RPTOR: variants seen among roughly 807,000 people sequenced by gnomAD.
RPTOR encodes regulatory associated protein of MTOR complex 1, also known as regulatory-associated protein of mTOR.
A neutral mutation model predicts 169.9 loss-of-function variants in RPTOR; 21 were observed. The ratio of observed to expected loss-of-function variants is 0.12; its 90% confidence interval spans 0.09 to 0.18. RPTOR has a LOEUF of 0.18. RPTOR is among the 10% of genes least tolerant of loss of function. The pLI is 1.00. For missense variants in RPTOR, 1,133 were observed against 1,855.9 expected, an observed-to-expected ratio of 0.61 and a Z score of 7.16; for synonymous variants, 732 against 753.2, an observed-to-expected ratio of 0.97 and a Z score of 0.46.
intron 9 of RPTOR, among the ~76,000 whole-genome samples, chr17:80,824,484 T>C (rs117202581): frequency 0.036 from 5,448 of 152,340 alleles, 106 homozygotes; most frequent in South Asian, 0.058. Context: ...TAGAGCATTT[T>C]TGAAAGAGTA....
intron 1 of RPTOR, among the ~76,000 whole-genome samples, chr17:80,586,932 A>G (rs1402808504): frequency 1.3e-5 from 2 of 152,234 alleles, no homozygotes; most frequent in Non-Finnish European, 2.9e-5. Context: ...CCTGCATAGC[A>G]TGCTCAGCAT....
intron 1 of RPTOR, among the ~76,000 whole-genome samples, chr17:80,587,025 C>T (rs1190659958): frequency 6.6e-6 from 1 of 152,246 alleles, no homozygotes; most frequent in African/African-American, 2.4e-5. Flanking sequence ...TTGTAAGCTT[C>T]GAGAATGTGC....
intron 3 of RPTOR, among the ~76,000 whole-genome samples, chr17:80,698,484 A>G (rs926263008): frequency 6.6e-6 from 1 of 152,204 alleles, no homozygotes; most frequent in Non-Finnish European, 1.5e-5. Context: ...CATTCCAGCC[A>G]TTGATCCACA....
At chr17:80,891,582 A>G (rs1387021734) in intron 17 of RPTOR, 138 bp from the exon 18 acceptor site, 10 of 668,078 alleles carry the variant, frequency 1.5e-5, no homozygotes, top group Non-Finnish European at 2.4e-5. Flanking sequence ...TCGAAAAGGG[A>G]TGGTCCCTGT....
In RPTOR at chr17:80,803,315, G is replaced by T. The variant is rs1233881942; in HGVS notation, c.890+11806G>T. ...CGAGGCAAGGGAGGTGGAGAGACTT[G>T]CTCAGGGTCACAGAGAGTCACACGA... On this transcript the variant is annotated intron_variant, in intron 7 of 33. Transcript: ENST00000306801. This position sits in a 1 kb window ranked among gnomAD's most constrained non-coding sequence, Gnocchi z 6.2. The T allele has an allele frequency of 6.6e-6, 1 of 152,308 alleles. No individual in the cohort carries two copies. Among genetic ancestry groups the T allele is most frequent in the East Asian group, 1.9e-4 (1 of 5,196 alleles). 9.4% of individuals were successfully genotyped at this position (152,308 alleles called of 1,614,324 possible). A position where few individuals can be genotyped will look rare whatever the true frequency, so the allele number is the denominator to read the frequency against.
intron 18 of RPTOR, 100 bp downstream of exon 18, chr17:80,891,937 G>C: frequency 1.4e-6 from 1 of 709,240 alleles, no homozygotes; most frequent in East Asian, 2.6e-5. Context: ...TCTAAGCGCA[G>C]GTTTCTCAGA....
intron 7 of RPTOR, among the ~76,000 whole-genome samples, chr17:80,809,713 TTTGCTAAGTCTG>T (rs1026548786): frequency 2.0e-5 from 3 of 152,166 alleles, no homozygotes; most frequent in African/African-American, 7.2e-5. Flanking sequence ...TGTGAACATT[TTTGCTAAGTCTG>T]TGGCTTGTGT....
At position 80,651,589 on chromosome 17, in the gene RPTOR, T is replaced by C. The variant is rs745875000; in HGVS notation, c.348+7779T>C. Among the ~76,000 whole-genome samples the C allele has an allele frequency of 6.6e-6, 1 of 152,220 alleles. No homozygotes were observed. The highest frequency in any genetic ancestry group is 1.5e-5 in the Non-Finnish European group (1 of 68,040). On this transcript the variant is annotated intron_variant, in intron 3 of 33. Transcript: ENST00000306801. The surrounding 1 kb of genome is among the most constrained non-coding windows in gnomAD (Gnocchi z 4.1). ...TAACGTCAAGTTCACCATTTTAAAGTGTACAACTTGGCTGGGCGCAGTGGC... is the reference window on the plus strand; with the variant it reads ...TAACGTCAAGTTCACCATTTTAAAGCGTACAACTTGGCTGGGCGCAGTGGC...
At chr17:80,911,107 A>G (rs1264736149) in intron 21 of RPTOR, among the ~76,000 whole-genome samples, 1 of 152,168 alleles carries the variant, frequency 6.6e-6, no homozygotes, top group Admixed American at 6.5e-5. Context: ...CTGGGATTAC[A>G]GGCGTGAGCC....
chr17:80,550,834 G>A (rs546787889), intron 1 of RPTOR, among the ~76,000 whole-genome samples: 67 of 152,274 alleles, frequency 4.4e-4, no homozygotes, highest in African/African-American at 1.5e-3. Context: ...GTCCTGACTG[G>A]TCTCCCTATG....
At chr17:80,931,183 G>T (rs1331561121) in intron 24 of RPTOR, among the ~76,000 whole-genome samples, 1 of 152,138 alleles carries the variant, frequency 6.6e-6, no homozygotes, top group Non-Finnish European at 1.5e-5. Context: ...GCTGGAAAGA[G>T]CACCACTCCC....
At chr17:80,929,837 T>C (rs2068853652) in intron 24 of RPTOR, among the ~76,000 whole-genome samples, 2 of 152,226 alleles carry the variant, frequency 1.3e-5, no homozygotes, top group African/African-American at 4.8e-5. Flanking sequence ...ACATTGAGCA[T>C]CCTGTCATAG....
chr17:80,712,611 G>C (rs1411740160), intron 4 of RPTOR, among the ~76,000 whole-genome samples: 1 of 152,140 alleles, frequency 6.6e-6, no homozygotes, highest in Non-Finnish European at 1.5e-5. Context: ...CTGACAATTA[G>C]GAATAAAGCT....
rs147727957 is a variant in RPTOR, at chr17:80,607,111, T to A, written c.163-18580T>A. Among the ~76,000 whole-genome samples the A allele has an allele frequency of 8.9e-4, 135 of 152,302 alleles. 1 individual carries two copies. Among genetic ancestry groups the A allele is most frequent in the African/African-American group, 3.2e-3 (132 of 41,558 alleles). ...ACGGTCTTAGGGCATCCTTCAACTT[T>A]TTTTTTTGAAGAGGAGTCTCACTCT... On this transcript the variant is annotated intron_variant, in intron 1 of 33. Transcript: ENST00000306801.
rs1249045412 is a variant in RPTOR at position 80,685,634 on chromosome 17, T to TA, written c.349-22207_349-22206insA. On this transcript the variant is annotated intron_variant, in intron 3 of 33. Coordinates refer to ENST00000306801, the MANE Select transcript of RPTOR (RefSeq NM_020761.3). ...ATATATATATATATATATATTTTTT[T>TA]TTTTTTTTTTTTTTTTTTTTTTTGC... Among the ~76,000 whole-genome samples, 8 of 56,098 alleles carry TA rather than the reference T, an allele frequency of 1.4e-4. No homozygotes were observed. In the East Asian group the frequency reaches 2.0e-3, roughly 14 times the overall value. The allele number at this position is 56,098 out of a possible 152,430, so 36.8% of individuals were successfully genotyped here.
Position 80,708,745 on chromosome 17 carries a change from G to A in RPTOR, c.507+746G>A, listed in dbSNP as rs982820689. Among the ~76,000 whole-genome samples, 2 of 152,208 alleles carry A rather than the reference G, an allele frequency of 1.3e-5. No homozygotes were observed. The highest frequency in any genetic ancestry group is 4.8e-5 in the African/African-American group (2 of 41,450). On this transcript the variant is annotated intron_variant, in intron 4 of 33. Transcript: ENST00000306801. This position sits in a 1 kb window ranked among gnomAD's most constrained non-coding sequence, Gnocchi z 4.2. Reference sequence around the variant, plus strand: ...ACCTTGGTCTGTCTCAGAGCAGCCAGCTATGGGTCTCACTGCGCTCTGCGT... The same window carrying A: ...ACCTTGGTCTGTCTCAGAGCAGCCAACTATGGGTCTCACTGCGCTCTGCGT...
At chr17:80,634,240 C>T (rs62068345) in intron 2 of RPTOR, among the ~76,000 whole-genome samples, 47,666 of 106,796 alleles carry the variant, frequency 0.45, 10,521 homozygotes, top group African/African-American at 0.56. Context: ...ACTGTGTGTG[C>T]GTGCATACTG....
chr17:80,748,101 G>A (rs968566743), intron 5 of RPTOR, among the ~76,000 whole-genome samples: 4 of 115,736 alleles, frequency 3.5e-5, no homozygotes, highest in Admixed American at 7.7e-5. Flanking sequence ...AGGCCGTGGC[G>A]GGAGGACCTG....
intron 1 of RPTOR, among the ~76,000 whole-genome samples, chr17:80,549,420 CT>C (rs774303066): frequency 4.6e-5 from 7 of 152,182 alleles, no homozygotes; most frequent in Non-Finnish European, 7.3e-5. Context: ...AGCGATTCTC[CT>C]GCCGCAGCCT....
Sources: allele counts gnomAD v4.1 joint callset (sites outside exome capture counted in the v4.1 genomes callset), GRCh38; gene constraint gnomAD v4.1.1; non-coding constraint Gnocchi (gnomAD v3.1); transcripts MANE v1.5; gene names NCBI Gene and HGNC (gene_info 2026-07-23, HGNC 2026-07-21).